AGBL4: variants seen among roughly 807,000 people sequenced by gnomAD.
The protein encoded by AGBL4 is AGBL carboxypeptidase 4.
AGBL4 carries 58 observed loss-of-function variants against 66.4 expected under a neutral mutation model. That is an observed-to-expected ratio of 0.87 (90% CI 0.71 to 1.09). The LOEUF is 1.09. Ranked by LOEUF, AGBL4 falls within the 50% of genes least tolerant of loss-of-function variation. The pLI, the probability that AGBL4 is intolerant of heterozygous loss-of-function variation, is 0.00. For missense variants in AGBL4, 579 were observed against 631.0 expected, an observed-to-expected ratio of 0.92 and a Z score of 0.88; for synonymous variants, 234 against 222.9, an observed-to-expected ratio of 1.05 and a Z score of -0.44.
At chr1:48,832,005 C>A (rs1002684199) in intron 6 of AGBL4, among the ~76,000 whole-genome samples, 2 of 152,140 alleles carry the variant, frequency 1.3e-5, no homozygotes, top group African/African-American at 4.8e-5. Context: ...CCCAGTTGAT[C>A]CTCAGAACAA....
rs532735656 is a variant in AGBL4, at chr1:49,074,388, A to G, written c.378-28588T>C. 4.6e-5 allele frequency among the ~76,000 whole-genome samples: 7 copies of G among 152,260 alleles called. 1 individual carries two copies. The South Asian group carries it at 1.5e-3, about 32-fold the overall frequency. On this transcript the variant is annotated intron_variant, in intron 4 of 13. Coordinates refer to ENST00000371839, the MANE Select transcript of AGBL4 (RefSeq NM_032785.4). ...CCTGCCCTGCTTCGGCTCACCCTCCATGGGCTGCATCCACTGTCCAACCAG... is the reference window on the plus strand; with the variant it reads ...CCTGCCCTGCTTCGGCTCACCCTCCGTGGGCTGCATCCACTGTCCAACCAG...
intron 3 of AGBL4, among the ~76,000 whole-genome samples, chr1:49,422,539 A>G (rs564936554): frequency 1.1e-4 from 16 of 152,360 alleles, no homozygotes; most frequent in East Asian, 3.9e-4. Context: ...ATATGTATCA[A>G]TGTGACCCAG....
chr1:50,008,951 A>T (rs1435703607), intron 1 of AGBL4, among the ~76,000 whole-genome samples: 2 of 152,134 alleles, frequency 1.3e-5, no homozygotes, highest in Non-Finnish European at 2.9e-5. Context: ...ATTGAACCAT[A>T]AAAAAATCCA....
At chr1:48,894,995 C>A (rs1651361496) in intron 5 of AGBL4, among the ~76,000 whole-genome samples, 1 of 152,134 alleles carries the variant, frequency 6.6e-6, no homozygotes, top group Non-Finnish European at 1.5e-5. Context: ...GGCAGTGTTT[C>A]ACTAGTTAAA....
At chr1:49,880,095 C>T (rs1331415204) in intron 1 of AGBL4, among the ~76,000 whole-genome samples, 4 of 151,794 alleles carry the variant, frequency 2.6e-5, no homozygotes, top group Admixed American at 2.6e-4. Flanking sequence ...ACTTCTTTGC[C>T]TTTGGTTTGA....
chr1:49,617,325 C>A (rs575872227), intron 3 of AGBL4, among the ~76,000 whole-genome samples: 3 of 152,142 alleles, frequency 2.0e-5, no homozygotes, highest in Non-Finnish European at 4.4e-5. Context: ...CAAGTTCCAC[C>A]TTCTCAGTGA....
chr1:49,246,538 G>A (rs899381185), intron 3 of AGBL4, among the ~76,000 whole-genome samples: 2 of 151,734 alleles, frequency 1.3e-5, no homozygotes, highest in African/African-American at 2.4e-5. Flanking sequence ...CGTTTATAGC[G>A]CCATAAGTAC....
chr1:48,578,979 A>C (rs1252511308), intron 11 of AGBL4, among the ~76,000 whole-genome samples: 1 of 152,090 alleles, frequency 6.6e-6, no homozygotes. Flanking sequence ...TCTTTTCTTC[A>C]TTGTGACTTT....
chr1:48,597,033 G>T (rs758567540), intron 9 of AGBL4, among the ~76,000 whole-genome samples: 1 of 152,130 alleles, frequency 6.6e-6, no homozygotes, highest in African/African-American at 2.4e-5. Flanking sequence ...CTGGGCTTTT[G>T]TGTCTATTCC....
At chr1:48,776,593 C>A in intron 6 of AGBL4, 1 of 1,420,928 alleles carries the variant, frequency 7.0e-7, no homozygotes, top group Middle Eastern at 2.5e-4. Context: ...TCCCTCCCCG[C>A]CCGCTTGCTC....
intron 3 of AGBL4, among the ~76,000 whole-genome samples, chr1:49,660,721 A>G (rs1287236074): frequency 2.0e-5 from 3 of 152,212 alleles, no homozygotes; most frequent in Non-Finnish European, 4.4e-5. Flanking sequence ...TCAATGATAG[A>G]TTGGATAAAG....
intron 2 of AGBL4, among the ~76,000 whole-genome samples, chr1:49,774,891 TAAG>T (rs1346180950): frequency 2.5e-4 from 38 of 152,112 alleles, no homozygotes; most frequent in Admixed American, 2.0e-4. Flanking sequence ...GAACATAACT[TAAG>T]GAGACAAGTG....
At chr1:48,828,037 C>CACACACAT (rs1646467910) in intron 6 of AGBL4, among the ~76,000 whole-genome samples, 1 of 143,688 alleles carries the variant, frequency 7.0e-6, no homozygotes, top group Non-Finnish European at 1.5e-5. Context: ...CACACACACA[C>CACACACAT]ACACACAAAT....
intron 1 of AGBL4, among the ~76,000 whole-genome samples, chr1:49,902,369 C>G (rs1649841505): frequency 6.6e-6 from 1 of 152,106 alleles, no homozygotes; most frequent in Non-Finnish European, 1.5e-5. Context: ...AAAAACTGGG[C>G]AAAGGATATG....
chr1:49,822,036 A>T (rs1039247942), intron 2 of AGBL4, among the ~76,000 whole-genome samples: 1 of 152,176 alleles, frequency 6.6e-6, no homozygotes, highest in Admixed American at 6.5e-5. Flanking sequence ...TGATCTAGCC[A>T]TAAAAGTTGG....
the AGBL4 span, among the ~76,000 whole-genome samples, chr1:48,524,392 CAG>C: frequency 2.0e-5 from 3 of 152,142 alleles, no homozygotes; most frequent in Non-Finnish European, 4.4e-5. Context: ...CACCTGGAGA[CAG>C]AGTCTGAAAA....
chr1:49,151,740 G>A (rs1229563239), intron 4 of AGBL4, among the ~76,000 whole-genome samples: 4 of 152,146 alleles, frequency 2.6e-5, no homozygotes, highest in East Asian at 1.9e-4. Flanking sequence ...GAATTACAAC[G>A]TGTAGTAGCA....
chr1:48,723,006 G>A (rs555567494), intron 6 of AGBL4, among the ~76,000 whole-genome samples: 15 of 152,270 alleles, frequency 9.9e-5, no homozygotes, highest in South Asian at 2.1e-4. Flanking sequence ...ACTGAAGCTC[G>A]GAGAGGTTAA....
chr1:49,457,816 T>A (rs1570762525), intron 3 of AGBL4, among the ~76,000 whole-genome samples: 1 of 151,710 alleles, frequency 6.6e-6, no homozygotes, highest in Non-Finnish European at 1.5e-5. Context: ...TTGAATAGGG[T>A]GTCCTTTCCC....
Sources: allele counts gnomAD v4.1 joint callset (sites outside exome capture counted in the v4.1 genomes callset), GRCh38; gene constraint gnomAD v4.1.1; transcripts MANE v1.5; gene names NCBI Gene and HGNC (gene_info 2026-07-23, HGNC 2026-07-21).